Variants in PLCB4 observed in about 807,000 individuals in gnomAD.
PLCB4 encodes 1-phosphatidylinositol 4,5-bisphosphate phosphodiesterase beta-4.
In PLCB4, 77 loss-of-function variants were observed where a neutral mutation model predicts 178.8. That is an observed-to-expected ratio of 0.43 (90% CI 0.36 to 0.52). The LOEUF is 0.52. Among genes scored for constraint, PLCB4 ranks in the 20% least tolerant of loss-of-function variants. PLCB4 has a pLI of 0.00. For synonymous variants in PLCB4, 496 were observed against 490.8 expected (o/e 1.01, Z -0.14); for missense variants, 1,024 against 1,453.4 (o/e 0.70, Z 4.80).
intron 28 of PLCB4, among the ~76,000 whole-genome samples, chr20:9,428,245 T>C (rs2041161649): frequency 6.6e-6 from 1 of 152,188 alleles, no homozygotes; most frequent in Non-Finnish European, 1.5e-5. Flanking sequence ...AATGTCATAT[T>C]TTATTAAATA....
chr20:9,324,775 G>A (rs999009644), intron 4 of PLCB4, among the ~76,000 whole-genome samples: 1 of 152,176 alleles, frequency 6.6e-6, no homozygotes, highest in Middle Eastern at 3.4e-3. Flanking sequence ...AGCCAGTGGG[G>A]ACTATGTATC....
intron 7 of PLCB4, among the ~76,000 whole-genome samples, chr20:9,357,223 C>T (rs1418094476): frequency 2.0e-5 from 3 of 152,126 alleles, no homozygotes; most frequent in Non-Finnish European, 4.4e-5. Flanking sequence ...CAGATGGCCC[C>T]GTCATTGATT....
At chr20:9,276,958 T>G (rs1251676958) in intron 3 of PLCB4, among the ~76,000 whole-genome samples, 1 of 151,952 alleles carries the variant, frequency 6.6e-6, no homozygotes, top group Admixed American at 6.6e-5. Context: ...GAAAAAGAAA[T>G]AGAAATGTGC....
intron 2 of PLCB4, among the ~76,000 whole-genome samples, chr20:9,164,482 T>G (rs546875953): frequency 6.6e-6 from 1 of 152,360 alleles, no homozygotes; most frequent in Admixed American, 6.5e-5. Context: ...TCTCATCATA[T>G]GACAGTCTCT....
chr20:9,271,413 A>G (rs2094401098), intron 3 of PLCB4, among the ~76,000 whole-genome samples: 1 of 152,168 alleles, frequency 6.6e-6, no homozygotes, highest in Non-Finnish European at 1.5e-5. Context: ...GAAAGAAGTT[A>G]GTTACCATTC....
intron 3 of PLCB4, among the ~76,000 whole-genome samples, chr20:9,252,673 A>G (rs1239706458): frequency 6.6e-6 from 1 of 152,328 alleles, no homozygotes; most frequent in Non-Finnish European, 1.5e-5. Context: ...AGGATGTTTC[A>G]GGAAGAAATT....
At chr20:9,322,793 T>C (rs1036284426) in intron 4 of PLCB4, among the ~76,000 whole-genome samples, 4 of 152,222 alleles carry the variant, frequency 2.6e-5, no homozygotes, top group African/African-American at 9.6e-5. Context: ...AAGAACTCTA[T>C]CCAAAAGCTT....
chr20:9,286,550 G>A (rs531720883), intron 3 of PLCB4, among the ~76,000 whole-genome samples: 1 of 152,160 alleles, frequency 6.6e-6, no homozygotes, highest in Non-Finnish European at 1.5e-5. Flanking sequence ...GAGAGAAAAT[G>A]CCAGTTGTGT....
chr20:9,202,869 C>T (rs1451268317), intron 2 of PLCB4, among the ~76,000 whole-genome samples: 1 of 151,874 alleles, frequency 6.6e-6, no homozygotes, highest in African/African-American at 2.4e-5. Flanking sequence ...TGTCTCAGGG[C>T]TCTGACATCA....
At chr20:9,268,219 G>A (rs1411779455) in intron 3 of PLCB4, among the ~76,000 whole-genome samples, 2 of 152,182 alleles carry the variant, frequency 1.3e-5, no homozygotes, top group Non-Finnish European at 2.9e-5. Flanking sequence ...CACCACAGGA[G>A]TTTTAAGTGA....
chr20:9,391,619 T>C (rs1182300102), intron 17 of PLCB4, among the ~76,000 whole-genome samples: 1 of 152,218 alleles, frequency 6.6e-6, no homozygotes, highest in East Asian at 1.9e-4. Context: ...TCCCTCGAAC[T>C]TGCAGAAGCA....
intron 2 of PLCB4, among the ~76,000 whole-genome samples, chr20:9,119,713 T>A (rs906522188): frequency 6.6e-6 from 1 of 152,224 alleles, no homozygotes; most frequent in African/African-American, 2.4e-5. Flanking sequence ...AATGACTGCA[T>A]AATGAGTTGA....
rs1290139665 is a variant in PLCB4 at position 9,459,708 on chromosome 20, A to G, written c.3146A>G (p.Glu1049Gly). ...AATACCCACAGTGCTGAGGAGCAAG[A>G]AATCCGAGACCTGCACCTCAGCCAG... ...MINTHSAEEQ[E>G]IRDLHLSQQC... The change falls in exon 35 of 40, where the codon GAA (glutamate) becomes GGA (glycine). Residue 1049 changes from glutamate to glycine, a missense_variant. Coordinates refer to ENST00000378473, the MANE Select transcript of PLCB4 (RefSeq NM_001377142.1). 6 of 1,612,868 alleles carry G rather than the reference A, an allele frequency of 3.7e-6. No individual in the cohort carries two copies. In the South Asian group the frequency reaches 5.5e-5, roughly 15 times the overall value.
intron 30 of PLCB4, 23 bp downstream of exon 30, chr20:9,437,175 C>T (rs757202391): frequency 1.9e-6 from 3 of 1,607,086 alleles, no homozygotes; most frequent in East Asian, 4.5e-5. Context: ...CGTTGGGTTC[C>T]TTATCTTCTG....
In PLCB4 at chr20:9,155,533, TG is replaced by T. The variant is rs1412257592; in HGVS notation, c.-79+59193del. ...CCAGGGAGGAAAAGCTTAATTTGTA[TG>T]GATGCTTGATTCTTTCTGTACCTTT... On this transcript the variant is annotated intron_variant, in intron 2 of 39. Coordinates refer to ENST00000378473, the MANE Select transcript of PLCB4 (RefSeq NM_001377142.1). Among the ~76,000 whole-genome samples, 5 of 152,168 alleles carry T rather than the reference TG, an allele frequency of 3.3e-5. No individual in the cohort carries two copies. In the East Asian group the frequency reaches 9.6e-4, roughly 29 times the overall value.
At position 9,190,317 on chromosome 20, in the gene PLCB4, C is replaced by T. The variant is rs568975571; in HGVS notation, c.-78-27073C>T. 4.7e-4 allele frequency among the ~76,000 whole-genome samples: 71 copies of T among 152,184 alleles called. 1 individual carries two copies. The highest frequency in any genetic ancestry group is 6.8e-3 in the Middle Eastern group (2 of 294). On this transcript the variant is annotated intron_variant, in intron 2 of 39. Transcript: ENST00000378473. Reference sequence around the variant, plus strand: ...GGTGATTGGATTGTGGGAATGGTTTCCCCCGTGCTATTCTCATGATAGTGA... The same window carrying T: ...GGTGATTGGATTGTGGGAATGGTTTTCCCCGTGCTATTCTCATGATAGTGA...
intron 2 of PLCB4, among the ~76,000 whole-genome samples, chr20:9,106,798 C>T (rs1398731744): frequency 6.6e-6 from 1 of 151,884 alleles, no homozygotes; most frequent in Non-Finnish European, 1.5e-5. Flanking sequence ...ATGTGCAAAC[C>T]CTTCTATTTC....
In PLCB4 at chr20:9,365,542, G is replaced by A. The variant is rs371415989; in HGVS notation, c.503+28G>A. 4.7e-5 allele frequency: 68 copies of A among 1,433,590 alleles called. 1 individual carries two copies. Among genetic ancestry groups the A allele is most frequent in the African/African-American group, 9.8e-5 (7 of 71,230 alleles). The allele number at this position is 1,433,590 out of a possible 1,614,324, so 88.8% of individuals were successfully genotyped here. ...AAGTAATCATTCCTATCTGCTGTCC[G>A]TGTCCCGGGTCAACGCTTGTCATCC... On this transcript the variant is annotated intron_variant, in intron 9 of 39. Coordinates refer to ENST00000378473, the MANE Select transcript of PLCB4 (RefSeq NM_001377142.1).
chr20:9,314,064 C>A (rs888627161), intron 4 of PLCB4, among the ~76,000 whole-genome samples: 1 of 152,106 alleles, frequency 6.6e-6, no homozygotes, highest in African/African-American at 2.4e-5. Flanking sequence ...AGGGCTTCTG[C>A]AAGGGCATGA....
Sources: gnomAD v4.1 joint callset for allele counts (sites outside exome capture counted in the v4.1 genomes callset) on GRCh38, gnomAD v4.1.1 for gene constraint, MANE v1.5 for transcripts, NCBI Gene and HGNC (gene_info 2026-07-23, HGNC 2026-07-21) for gene names.